The following ZNF365 variants were observed in gnomAD, a reference collection of about 807,000 sequenced individuals.
ZNF365 encodes the protein zinc finger protein 365.
A neutral mutation model predicts 35.0 loss-of-function variants in ZNF365; 22 were observed. That is an observed-to-expected ratio of 0.63 (90% CI 0.45 to 0.90). ZNF365 has a LOEUF of 0.90. Ranked by LOEUF, ZNF365 falls within the 40% of genes least tolerant of loss-of-function variation. ZNF365 has a pLI of 0.00. For missense variants in ZNF365, 448 were observed against 500.3 expected (o/e 0.90, Z 1.00); for synonymous variants, 188 against 196.2 (o/e 0.96, Z 0.35).
downstream of ZNF365, among the ~76,000 whole-genome samples, chr10:62,406,017 G>A (rs1288629710): frequency 6.6e-6 from 1 of 152,168 alleles, no homozygotes; most frequent in South Asian, 2.1e-4. Flanking sequence ...ATTCTTAAAG[G>A]GTAAGGGATA....
intron 3 of ZNF365, 81 bp downstream of exon 3, chr10:62,388,657 G>GA: frequency 6.6e-7 from 1 of 1,522,222 alleles, no homozygotes. Flanking sequence ...AAAGGGAGCT[G>GA]GGTGACTTGC....
At chr10:62,433,443 G>A (rs1254317431) in intron 3 of ZNF365, among the ~76,000 whole-genome samples, 1 of 152,158 alleles carries the variant, frequency 6.6e-6, no homozygotes, top group African/African-American at 2.4e-5. Flanking sequence ...AGAATATGAT[G>A]TCCTTCTTAG....
Position 62,376,752 on chromosome 10 carries a change from T to C in ZNF365, c.559T>C (p.Leu187=). ...EKRIDKLTKE[L]AQKTAELLEV... Reference sequence around the variant, plus strand: ...GAGAATTGATAAACTCACCAAAGAGTTGGCCCAGAAAACTGCGGAACTGTT... The same window carrying C: ...GAGAATTGATAAACTCACCAAAGAGCTGGCCCAGAAAACTGCGGAACTGTT... Residue 187 remains leucine (L), a synonymous_variant, in exon 2 of 5, where the codon TTG becomes CTG. Coordinates refer to ENST00000395254, the MANE Select transcript of ZNF365 (RefSeq NM_014951.3). The C allele has an allele frequency of 1.2e-6, 2 of 1,614,128 alleles. No homozygotes were observed. Among genetic ancestry groups the C allele is most frequent in the Non-Finnish European group, 1.7e-6 (2 of 1,180,026 alleles).
chr10:62,451,964 G>A (rs1785450281), intron 3 of ZNF365, among the ~76,000 whole-genome samples: 1 of 152,194 alleles, frequency 6.6e-6, no homozygotes, highest in South Asian at 2.1e-4. Context: ...CCCAAGGTTT[G>A]TTTGTAGGAT....
At chr10:62,459,375 G>A (rs1253972144) in intron 3 of ZNF365, among the ~76,000 whole-genome samples, 1 of 152,138 alleles carries the variant, frequency 6.6e-6, no homozygotes, top group Non-Finnish European at 1.5e-5. Flanking sequence ...TTTACAGGAG[G>A]GACTTGAAGG....
rs578104461 is a variant in ZNF365 at position 62,402,318 on chromosome 10, A to G, written c.*2529A>G. On this transcript the variant is annotated 3_prime_UTR_variant, in exon 5 of 5. Coordinates refer to ENST00000395254, the MANE Select transcript of ZNF365 (RefSeq NM_014951.3). ...TACAGGTTCTTATCTGCAAGGTTCA[A>G]GTTGCTTAGACATTGTTTTCCAGTA... 2 of 985,588 alleles carry G rather than the reference A, an allele frequency of 2.0e-6. No homozygotes were observed. Among genetic ancestry groups the G allele is most frequent in the South Asian group, 4.7e-5 (1 of 21,284 alleles). 61.1% of individuals were successfully genotyped at this position (985,588 alleles called of 1,614,324 possible). A position where few individuals can be genotyped will look rare whatever the true frequency, so the allele number is the denominator to read the frequency against.
intron 3 of ZNF365, among the ~76,000 whole-genome samples, chr10:62,440,513 C>T (rs1159882431): frequency 6.6e-6 from 1 of 151,992 alleles, no homozygotes; most frequent in South Asian, 2.1e-4. Context: ...AGCACTGTGC[C>T]TTGTACAGAG....
In ZNF365 at chr10:62,389,444, T is replaced by G. The variant is rs539167650; in HGVS notation, c.924+868T>G. On this transcript the variant is annotated intron_variant, in intron 3 of 4. Coordinates refer to ENST00000395254, the MANE Select transcript of ZNF365 (RefSeq NM_014951.3). ...GCAGATTTAAAAATAGTTTTGTTTT[T>G]TTTTTTACTGCTTCCACCCCCGCAG... Among the ~76,000 whole-genome samples the G allele has an allele frequency of 1.3e-4, 20 of 150,334 alleles. No homozygotes were observed. In the South Asian group the frequency reaches 4.2e-3, roughly 31 times the overall value.
chr10:62,397,024 T>C (rs1839739857), intron 3 of ZNF365, among the ~76,000 whole-genome samples: 1 of 152,238 alleles, frequency 6.6e-6, no homozygotes, highest in Non-Finnish European at 1.5e-5. Flanking sequence ...GTAGAGAAAG[T>C]TGATGCCAGT....
downstream of ZNF365, among the ~76,000 whole-genome samples, chr10:62,404,273 G>A (rs1839873398): frequency 6.6e-6 from 1 of 152,208 alleles, no homozygotes; most frequent in South Asian, 2.1e-4. Context: ...TGTCCTGTGA[G>A]AAGAGGAGAG....
intron 3 of ZNF365, among the ~76,000 whole-genome samples, chr10:62,413,200 C>G (rs958175703): frequency 4.6e-5 from 7 of 152,148 alleles, no homozygotes; most frequent in Non-Finnish European, 7.3e-5. Context: ...AACTACTGCT[C>G]TATGATGTGG....
intron 3 of ZNF365, among the ~76,000 whole-genome samples, chr10:62,442,444 G>A (rs1186695790): frequency 2.6e-5 from 4 of 152,144 alleles, no homozygotes; most frequent in African/African-American, 4.8e-5. Flanking sequence ...GCAAAATCGC[G>A]GATATTTAAA....
At chr10:62,464,967 G>T (rs1163527646) in intron 4 of ZNF365, among the ~76,000 whole-genome samples, 3 of 152,204 alleles carry the variant, frequency 2.0e-5, no homozygotes, top group Admixed American at 2.0e-4. Context: ...GCCAACAGGA[G>T]CCCTGCACCC....
chr10:62,403,687 A>C (rs567688667), downstream of ZNF365, among the ~76,000 whole-genome samples: 2 of 152,198 alleles, frequency 1.3e-5, no homozygotes, highest in East Asian at 1.9e-4. Context: ...GCAACAACAA[A>C]AAAAGAACTG....
intron 4 of ZNF365, among the ~76,000 whole-genome samples, chr10:62,467,329 A>G (rs1046704046): frequency 6.6e-6 from 1 of 152,156 alleles, no homozygotes; most frequent in African/African-American, 2.4e-5. Context: ...TTGACAGTTT[A>G]TAGATAATTT....
At chr10:62,380,870 G>A (rs1278062391) in intron 2 of ZNF365, among the ~76,000 whole-genome samples, 3 of 152,150 alleles carry the variant, frequency 2.0e-5, no homozygotes, top group Non-Finnish European at 2.9e-5. Flanking sequence ...GTCCTGTGGG[G>A]TCTGGAAAAT....
chr10:62,398,098 A>G (rs1839762165), intron 3 of ZNF365, among the ~76,000 whole-genome samples: 1 of 152,218 alleles, frequency 6.6e-6, no homozygotes, highest in Non-Finnish European at 1.5e-5. Context: ...TCTACTGGGT[A>G]TCTACCCAAA....
chr10:62,476,567 T>C (rs1258555156), intron 4 of ZNF365, among the ~76,000 whole-genome samples: 7 of 152,352 alleles, frequency 4.6e-5, no homozygotes, highest in Admixed American at 1.3e-4. Flanking sequence ...AGGAAAAGAT[T>C]GTTCTGCCAC....
intron 4 of ZNF365, among the ~76,000 whole-genome samples, chr10:62,465,385 G>A (rs373354723): frequency 1.8e-4 from 27 of 152,258 alleles, no homozygotes; most frequent in South Asian, 1.0e-3. Flanking sequence ...TGGATGGCAC[G>A]TTGATGGTGG....
Sources: allele counts gnomAD v4.1 joint callset (sites outside exome capture counted in the v4.1 genomes callset), GRCh38; gene constraint gnomAD v4.1.1; transcripts MANE v1.5; gene names NCBI Gene and HGNC (gene_info 2026-07-23, HGNC 2026-07-21).